CSMD1: variants seen among roughly 807,000 people sequenced by gnomAD.
The protein encoded by CSMD1 is CUB and sushi domain-containing protein 1.
Under a neutral mutation model 417.5 loss-of-function variants are expected in CSMD1, and 213 were observed. That is an observed-to-expected ratio of 0.51 (90% CI 0.46 to 0.57). CSMD1 has a LOEUF of 0.57. Ranked by LOEUF, CSMD1 falls within the 20% of genes least tolerant of loss-of-function variation. The probability of loss-of-function intolerance (pLI) is 0.00; values close to 1 mark genes in which losing one functional copy is unlikely to be tolerated. For synonymous variants in CSMD1, 2,862 were observed against 1,736.8 expected, an observed-to-expected ratio of 1.65 and a Z score of -16.11; for missense variants, 6,923 against 4,529.7, an observed-to-expected ratio of 1.53 and a Z score of -15.17.
intron 10 of CSMD1, among the ~76,000 whole-genome samples, chr8:3,543,027 T>G (rs1053061359): frequency 2.6e-5 from 4 of 152,112 alleles, no homozygotes; most frequent in Non-Finnish European, 5.9e-5. Context: ...CACCTGCTGT[T>G]TGTGGGTGTG....
intron 7 of CSMD1, among the ~76,000 whole-genome samples, chr8:3,625,702 TA>T (rs1269692581): frequency 6.6e-6 from 1 of 152,288 alleles, no homozygotes; most frequent in Non-Finnish European, 1.5e-5. Context: ...TTGGCATTCC[TA>T]AAATTCAGTC....
chr8:2,950,245 C>A lies in CSMD1; in HGVS notation c.10300G>T (p.Gly3434Ter). 1 of 1,606,882 alleles carries A rather than the reference C, an allele frequency of 6.2e-7. No homozygotes were observed. ...FVSKFENDNW[G>*]LDGYVSSGLE... ...CATGTACTTACATAACCATCTAGTC[C>A]CCAGTTGTCATTTTCGAACTTGCTT... The change falls in exon 67 of 70, where the codon GGA (glycine) becomes TGA (stop). Residue 3434 changes from glycine (G) to a stop codon, truncating the protein, a stop_gained. Coordinates refer to ENST00000635120, the MANE Select transcript of CSMD1 (RefSeq NM_033225.6). LOFTEE classifies it high-confidence loss of function.
At chr8:4,946,618 A>G (rs1216500328) in intron 1 of CSMD1, among the ~76,000 whole-genome samples, 1 of 152,230 alleles carries the variant, frequency 6.6e-6, no homozygotes, top group Non-Finnish European at 1.5e-5. Context: ...GGAAGGAGGT[A>G]CTAAATTTAT....
At chr8:4,462,880 G>A (rs995239101) in intron 2 of CSMD1, among the ~76,000 whole-genome samples, 2 of 152,128 alleles carry the variant, frequency 1.3e-5, no homozygotes. Context: ...AAATATAGGA[G>A]TAAATCTTTG....
intron 3 of CSMD1, among the ~76,000 whole-genome samples, chr8:4,061,963 T>G (rs1343411380): frequency 6.6e-6 from 1 of 152,210 alleles, no homozygotes; most frequent in Admixed American, 6.5e-5. Context: ...ATTATCTTAG[T>G]CAGGGGATGC....
chr8:3,959,531 G>C (rs1457575709), intron 5 of CSMD1, among the ~76,000 whole-genome samples: 1 of 152,100 alleles, frequency 6.6e-6, no homozygotes, highest in Non-Finnish European at 1.5e-5. Flanking sequence ...ACCAACGAAC[G>C]AAAGAAAGAA....
intron 10 of CSMD1, among the ~76,000 whole-genome samples, chr8:3,565,290 G>C (rs764883677): frequency 3.3e-5 from 5 of 151,844 alleles, no homozygotes; most frequent in African/African-American, 1.2e-4. Context: ...TTGGCCAGGC[G>C]TCCTCCTTTC....
chr8:3,509,261 T>G (rs1317631846), intron 10 of CSMD1, among the ~76,000 whole-genome samples: 1 of 152,184 alleles, frequency 6.6e-6, no homozygotes, highest in African/African-American at 2.4e-5. Context: ...TGAAAGGAGA[T>G]TAAAGCATGG....
At chr8:3,488,988 T>G (rs944063356) in intron 11 of CSMD1, among the ~76,000 whole-genome samples, 1 of 152,218 alleles carries the variant, frequency 6.6e-6, no homozygotes, top group Non-Finnish European at 1.5e-5. Flanking sequence ...ATCAATTGTT[T>G]ATGCTTTCCC....
At chr8:3,883,494 C>G (rs1016023384) in intron 5 of CSMD1, among the ~76,000 whole-genome samples, 1 of 151,878 alleles carries the variant, frequency 6.6e-6, no homozygotes, top group Non-Finnish European at 1.5e-5. Context: ...ACAAATATAC[C>G]TTTTCACTGC....
At chr8:4,208,033 T>C (rs745422557) in intron 3 of CSMD1, among the ~76,000 whole-genome samples, 13 of 152,266 alleles carry the variant, frequency 8.5e-5, no homozygotes, top group Admixed American at 3.9e-4. Flanking sequence ...TAGGAGAATA[T>C]GTAAATATAT....
At chr8:3,928,816 G>A (rs1218892800) in intron 5 of CSMD1, among the ~76,000 whole-genome samples, 2 of 107,818 alleles carry the variant, frequency 1.9e-5, no homozygotes, top group Admixed American at 1.4e-4. Context: ...CATTCCCAGC[G>A]ATTCCACCTA....
At chr8:4,187,399 C>G (rs1017630516) in intron 3 of CSMD1, among the ~76,000 whole-genome samples, 1 of 152,086 alleles carries the variant, frequency 6.6e-6, no homozygotes, top group African/African-American at 2.4e-5. Context: ...ATAATCCCAG[C>G]ACTTTGGGAG....
At chr8:3,864,913 C>T (rs1277487763) in intron 5 of CSMD1, among the ~76,000 whole-genome samples, 1 of 152,166 alleles carries the variant, frequency 6.6e-6, no homozygotes, top group East Asian at 1.9e-4. Context: ...AGAAGTATTG[C>T]TCTACGTGGT....
At chr8:3,124,666 C>T (rs1186553612) in intron 41 of CSMD1, among the ~76,000 whole-genome samples, 1 of 152,154 alleles carries the variant, frequency 6.6e-6, no homozygotes, top group African/African-American at 2.4e-5. Context: ...TTTTCACACT[C>T]TCGCCACCTC....
chr8:3,062,769 C>T (rs1410674768), intron 49 of CSMD1, among the ~76,000 whole-genome samples: 1 of 152,110 alleles, frequency 6.6e-6, no homozygotes, highest in Admixed American at 6.5e-5. Context: ...CTAATTATTA[C>T]AGTGAAAGGC....
chr8:4,410,679 C>T (rs1470261162), intron 3 of CSMD1, among the ~76,000 whole-genome samples: 2 of 151,702 alleles, frequency 1.3e-5, no homozygotes, highest in Non-Finnish European at 2.9e-5. Context: ...CAAGAGTATA[C>T]TGGAAAAAAA....
chr8:3,474,337 G>C (rs988589040), intron 11 of CSMD1, among the ~76,000 whole-genome samples: 2 of 152,088 alleles, frequency 1.3e-5, no homozygotes, highest in Non-Finnish European at 2.9e-5. Context: ...TGCTCAGGGA[G>C]CTGTCACATG....
At chr8:2,953,441 A>G (rs192847277) in intron 65 of CSMD1, among the ~76,000 whole-genome samples, 77 of 144,030 alleles carry the variant, frequency 5.3e-4, no homozygotes, top group African/African-American at 1.8e-3. Context: ...ATTCTAAAAT[A>G]GAGCTTATGT....
Sources: gnomAD v4.1 joint callset for allele counts (sites outside exome capture counted in the v4.1 genomes callset) on GRCh38, gnomAD v4.1.1 for gene constraint, MANE v1.5 for transcripts, NCBI Gene and HGNC (gene_info 2026-07-23, HGNC 2026-07-21) for gene names.